The following KCNN2 variants were observed in gnomAD, a reference collection of about 807,000 sequenced individuals.
The protein encoded by KCNN2 is potassium calcium-activated channel subfamily N member 2.
Under a neutral mutation model 55.5 loss-of-function variants are expected in KCNN2, and 24 were observed. That is an observed-to-expected ratio of 0.43 (90% CI 0.31 to 0.61). The LOEUF (loss-of-function observed/expected upper bound fraction) is 0.61. Ranked by LOEUF, KCNN2 falls within the 20% of genes least tolerant of loss-of-function variation. The pLI is 0.08. For synonymous variants in KCNN2, 431 were observed against 336.1 expected (o/e 1.28, Z -3.09); for missense variants, 754 against 853.6 (o/e 0.88, Z 1.45).
At chr5:114,171,058 G>C (rs1037857969) in intron 1 of KCNN2, among the ~76,000 whole-genome samples, 5 of 151,936 alleles carry the variant, frequency 3.3e-5, no homozygotes, top group African/African-American at 1.2e-4. Flanking sequence ...TCTGACTTTT[G>C]AATACTGATC....
chr5:114,432,385 C>T (rs1017283895), intron 3 of KCNN2, among the ~76,000 whole-genome samples: 3 of 152,234 alleles, frequency 2.0e-5, no homozygotes, highest in African/African-American at 7.2e-5. Flanking sequence ...ATTAATATAG[C>T]TACTCCAACT....
At chr5:114,095,409 A>G (rs1057131737) in intron 1 of KCNN2, among the ~76,000 whole-genome samples, 4 of 152,320 alleles carry the variant, frequency 2.6e-5, no homozygotes, top group Admixed American at 2.0e-4. Flanking sequence ...TTTAATGCTC[A>G]GACATCCCTA....
chr5:114,372,819 C>G (rs1417256432), intron 2 of KCNN2, among the ~76,000 whole-genome samples: 2 of 151,968 alleles, frequency 1.3e-5, no homozygotes, highest in Admixed American at 6.6e-5. Context: ...CATGTTTAAA[C>G]ATTCTTAATA....
chr5:114,167,787 A>G (rs1008406322), intron 1 of KCNN2, among the ~76,000 whole-genome samples: 1 of 152,182 alleles, frequency 6.6e-6, no homozygotes, highest in Non-Finnish European at 1.5e-5. Context: ...AAGACAGTGA[A>G]TATTTAACCC....
intron 1 of KCNN2, among the ~76,000 whole-genome samples, chr5:114,179,639 C>CA (rs138482702): frequency 0.025 from 3,799 of 152,114 alleles, 144 homozygotes; most frequent in African/African-American, 0.086. Flanking sequence ...AAGAAAATGT[C>CA]AAACTTTTTT....
chr5:114,357,803 G>T (rs1235871376), upstream of KCNN2, among the ~76,000 whole-genome samples: 2 of 151,310 alleles, frequency 1.3e-5, no homozygotes, highest in African/African-American at 2.4e-5. Context: ...ATAGTCCTTT[G>T]GGTATATACC....
chr5:114,091,404 G>A (rs967067109), intron 1 of KCNN2, among the ~76,000 whole-genome samples: 1 of 152,244 alleles, frequency 6.6e-6, no homozygotes, highest in Non-Finnish European at 1.5e-5. Flanking sequence ...TATCCAAATT[G>A]ATTAGAGTAG....
intron 2 of KCNN2, among the ~76,000 whole-genome samples, chr5:114,328,496 C>T (rs1756751187): frequency 6.6e-6 from 1 of 152,186 alleles, no homozygotes; most frequent in South Asian, 2.1e-4. Context: ...ATATTTCCAT[C>T]TCTCCACTCT....
chr5:114,144,499 A>G (rs573190029), intron 1 of KCNN2, among the ~76,000 whole-genome samples: 1 of 152,226 alleles, frequency 6.6e-6, no homozygotes, highest in Admixed American at 6.5e-5. Flanking sequence ...TACTCCTTTT[A>G]AGAATTTTTT....
intron 1 of KCNN2, among the ~76,000 whole-genome samples, chr5:114,130,787 G>T (rs970055029): frequency 1.3e-5 from 2 of 152,130 alleles, no homozygotes; most frequent in African/African-American, 4.8e-5. Context: ...AAGGCAGACA[G>T]CCTCAAAGCA....
At position 114,285,642 on chromosome 5, in the gene KCNN2, A is replaced by G. The variant is rs539928324; in HGVS notation, c.-185+64077A>G. On this transcript the variant is annotated intron_variant, in intron 2 of 10. Coordinates refer to the KCNN2 transcript ENST00000512097. ...TTTTTATTCAATAATTGCAGATTAT[A>G]TGAATAATTAATTTGATGTGAATAT... Among the ~76,000 whole-genome samples the G allele has an allele frequency of 3.3e-5, 5 of 152,302 alleles. No individual in the cohort carries two copies. The South Asian group carries it at 8.3e-4, about 25-fold the overall frequency.
intron 1 of KCNN2, among the ~76,000 whole-genome samples, chr5:114,102,306 G>A (rs1751389738): frequency 6.7e-6 from 1 of 148,768 alleles, no homozygotes; most frequent in Non-Finnish European, 1.5e-5. Context: ...TTGTGAATTT[G>A]TTGAAGTTCT....
At chr5:114,419,285 A>G (rs1010581938) in intron 3 of KCNN2, among the ~76,000 whole-genome samples, 13 of 152,258 alleles carry the variant, frequency 8.5e-5, no homozygotes, top group Non-Finnish European at 1.9e-4. Flanking sequence ...TTGTTTGGCG[A>G]AAAAGAGATT....
chr5:114,311,969 T>C (rs1209521491), intron 2 of KCNN2, among the ~76,000 whole-genome samples: 1 of 152,110 alleles, frequency 6.6e-6, no homozygotes, highest in Non-Finnish European at 1.5e-5. Flanking sequence ...ACAGTAGCTA[T>C]TAATATGGAA....
intron 3 of KCNN2, among the ~76,000 whole-genome samples, chr5:114,451,457 A>G (rs1412100807): frequency 6.6e-6 from 1 of 152,184 alleles, no homozygotes. Context: ...ACACAGGGAG[A>G]GAGAAAAGGG....
chr5:114,241,784 G>GTA (rs373052579), intron 2 of KCNN2, among the ~76,000 whole-genome samples: 1 of 3,280 alleles, frequency 3.0e-4, no homozygotes, highest in Non-Finnish European at 5.4e-4. Context: ...ACATATATAC[G>GTA]TATATATATG....
chr5:114,116,856 A>G (rs73782160), intron 1 of KCNN2, among the ~76,000 whole-genome samples: 1 of 152,096 alleles, frequency 6.6e-6, no homozygotes, highest in Non-Finnish European at 1.5e-5. Context: ...GGATGAGGAT[A>G]TGTCCTTATC....
intron 2 of KCNN2, among the ~76,000 whole-genome samples, chr5:114,352,603 G>A (rs563444717): frequency 2.0e-5 from 3 of 151,580 alleles, no homozygotes; most frequent in African/African-American, 7.2e-5. Flanking sequence ...GGTGCATCCT[G>A]TAGGTTTTTG....
intron 4 of KCNN2, among the ~76,000 whole-genome samples, chr5:114,465,254 C>A (rs1321096668): frequency 6.6e-6 from 1 of 152,122 alleles, no homozygotes; most frequent in Admixed American, 6.5e-5. Flanking sequence ...TAGTACAAAT[C>A]TTTTATTTAC....
Sources: allele counts gnomAD v4.1 joint callset (sites outside exome capture counted in the v4.1 genomes callset), GRCh38; gene constraint gnomAD v4.1.1; transcripts MANE v1.5; gene names NCBI Gene and HGNC (gene_info 2026-07-23, HGNC 2026-07-21).